Variants in GPR158 observed in about 807,000 individuals in gnomAD.
GPR158 encodes the protein G protein-coupled receptor 158.
Under a neutral mutation model 78.2 loss-of-function variants are expected in GPR158, and 30 were observed. That is an observed-to-expected ratio of 0.38 (90% confidence interval 0.29 to 0.52). The LOEUF is 0.52. Ranked by LOEUF, GPR158 falls within the 20% of genes least tolerant of loss-of-function variation. The probability of loss-of-function intolerance (pLI) is 0.83; values close to 1 mark genes in which losing one functional copy is unlikely to be tolerated. For missense variants in GPR158, 1,463 were observed against 1,523.5 expected, an observed-to-expected ratio of 0.96 and a Z score of 0.66; for synonymous variants, 581 against 591.1, an observed-to-expected ratio of 0.98 and a Z score of 0.25.
At chr10:25,326,044 G>C (rs111445839) in intron 2 of GPR158, among the ~76,000 whole-genome samples, 2,326 of 152,112 alleles carry the variant, frequency 0.015, 67 homozygotes, top group African/African-American at 0.053. Context: ...CTGCACAGGT[G>C]ATCCCATCAC....
chr10:25,565,560 CTATTTT>C (rs1173643549), intron 6 of GPR158, among the ~76,000 whole-genome samples: 1 of 151,390 alleles, frequency 6.6e-6, no homozygotes, highest in Non-Finnish European at 1.5e-5. Flanking sequence ...CTAGATAGTT[CTATTTT>C]AGTAAAATAC....
intron 6 of GPR158, among the ~76,000 whole-genome samples, chr10:25,567,354 T>G (rs1836944034): frequency 6.6e-6 from 1 of 152,278 alleles, no homozygotes; most frequent in Middle Eastern, 3.4e-3. Flanking sequence ...GTTCTCAAAC[T>G]TTACCCTTCA....
intron 4 of GPR158, among the ~76,000 whole-genome samples, chr10:25,414,984 C>T (rs1834640488): frequency 6.6e-6 from 1 of 151,972 alleles, no homozygotes; most frequent in African/African-American, 2.4e-5. Flanking sequence ...CTAGCTTTCT[C>T]CTCTGTAAAA....
chr10:25,326,122 A>G (rs1392187335), intron 2 of GPR158, among the ~76,000 whole-genome samples: 1 of 152,108 alleles, frequency 6.6e-6, no homozygotes, highest in African/African-American at 2.4e-5. Context: ...AACAGGCTTC[A>G]GTGTGAGTTG....
At chr10:25,200,775 G>T (rs2130654358) in intron 1 of GPR158, among the ~76,000 whole-genome samples, 1 of 151,484 alleles carries the variant, frequency 6.6e-6, no homozygotes, top group Middle Eastern at 3.4e-3. Context: ...CCCATTGCTT[G>T]CTTTTGTCAA....
chr10:25,249,007 G>T (rs1021391424), intron 2 of GPR158, among the ~76,000 whole-genome samples: 3 of 150,590 alleles, frequency 2.0e-5, no homozygotes, highest in African/African-American at 5.0e-5. Context: ...GTGGTTTGTA[G>T]TTCTCCTTGA....
Position 25,495,295 on chromosome 10 carries a change from C to CTTTTTTTTTTTTT in GPR158, c.1404+28584_1404+28596dup, listed in dbSNP as rs71399976. ...TATTTTAAGCTATCATTCTTTTCTG[C>CTTTTTTTTTTTTT]TTTTTTTTTTTTTTTTTTTTGAGAC... On this transcript the variant is annotated intron_variant, in intron 5 of 10. Transcript: ENST00000376351. Among the ~76,000 whole-genome samples the CTTTTTTTTTTTTT allele has an allele frequency of 2.2e-4, 20 of 91,096 alleles. 2 individuals are homozygous for CTTTTTTTTTTTTT. Among genetic ancestry groups the CTTTTTTTTTTTTT allele is most frequent in the East Asian group, 1.2e-3 (3 of 2,484 alleles). The allele number at this position is 91,096 out of a possible 152,430, so 59.8% of individuals were successfully genotyped here. A position where few individuals can be genotyped will look rare whatever the true frequency, so the allele number is the denominator to read the frequency against.
chr10:25,401,772 C>G (rs966352889), intron 3 of GPR158, among the ~76,000 whole-genome samples: 1 of 152,070 alleles, frequency 6.6e-6, no homozygotes, highest in East Asian at 1.9e-4. Context: ...CACTTACCAA[C>G]ATAATAGTGA....
At chr10:25,488,764 G>T (rs1835765696) in intron 5 of GPR158, among the ~76,000 whole-genome samples, 1 of 152,178 alleles carries the variant, frequency 6.6e-6, no homozygotes, top group South Asian at 2.1e-4. Context: ...GAGGCTATTA[G>T]ATGACTACTA....
intron 2 of GPR158, among the ~76,000 whole-genome samples, chr10:25,348,396 GACACACACACAC>G (rs34088676): frequency 3.1e-4 from 44 of 141,780 alleles, no homozygotes; most frequent in South Asian, 1.4e-3. Context: ...TAGGAAGAAA[GACACACACACAC>G]ACACACACAC....
At chr10:25,304,547 A>C (rs1261841550) in intron 2 of GPR158, among the ~76,000 whole-genome samples, 2 of 152,042 alleles carry the variant, frequency 1.3e-5, no homozygotes, top group Non-Finnish European at 2.9e-5. Context: ...TACTTCATAG[A>C]GTTGCTGTGA....
intron 2 of GPR158, among the ~76,000 whole-genome samples, chr10:25,269,927 A>G (rs1854094861): frequency 6.6e-6 from 1 of 152,208 alleles, no homozygotes; most frequent in Non-Finnish European, 1.5e-5. Flanking sequence ...CTTATTAAAT[A>G]TCCTAAATCT....
intron 5 of GPR158, among the ~76,000 whole-genome samples, chr10:25,495,464 T>C (rs1835868783): frequency 6.6e-6 from 1 of 151,832 alleles, no homozygotes; most frequent in Non-Finnish European, 1.5e-5. Context: ...GGCCAATTTT[T>C]TGTATTTTTA....
chr10:25,230,280 G>A (rs1853430601), intron 2 of GPR158, among the ~76,000 whole-genome samples: 1 of 152,146 alleles, frequency 6.6e-6, no homozygotes, highest in South Asian at 2.1e-4. Flanking sequence ...TGATATTTGG[G>A]AGGATAATTG....
At chr10:25,310,139 G>A (rs900260038) in intron 2 of GPR158, among the ~76,000 whole-genome samples, 1 of 152,172 alleles carries the variant, frequency 6.6e-6, no homozygotes, top group South Asian at 2.1e-4. Context: ...TTTCCCAACA[G>A]CATTTGTTGA....
intron 1 of GPR158, among the ~76,000 whole-genome samples, chr10:25,183,378 C>T (rs1200452681): frequency 6.6e-6 from 1 of 152,024 alleles, no homozygotes; most frequent in Non-Finnish European, 1.5e-5. Flanking sequence ...TTATTGAGTG[C>T]CTCAAAGCAA....
intron 1 of GPR158, among the ~76,000 whole-genome samples, chr10:25,209,721 G>C (rs372643560): frequency 1.3e-5 from 2 of 152,230 alleles, no homozygotes; most frequent in South Asian, 4.1e-4. Context: ...TTACTCAGTG[G>C]CTTGTGACTT....
intron 4 of GPR158, among the ~76,000 whole-genome samples, chr10:25,427,097 T>C (rs948722401): frequency 2.0e-5 from 3 of 152,098 alleles, no homozygotes; most frequent in Non-Finnish European, 4.4e-5. Context: ...CCTATATTAA[T>C]CTATAGTCAA....
intron 3 of GPR158, among the ~76,000 whole-genome samples, chr10:25,409,712 C>T (rs762789976): frequency 6.6e-6 from 1 of 152,186 alleles, no homozygotes; most frequent in Middle Eastern, 3.2e-3. Context: ...CAAATACTTT[C>T]TTTACCAGTT....
Sources: gnomAD v4.1 joint callset for allele counts (sites outside exome capture counted in the v4.1 genomes callset) on GRCh38, gnomAD v4.1.1 for gene constraint, MANE v1.5 for transcripts, NCBI Gene and HGNC (gene_info 2026-07-23, HGNC 2026-07-21) for gene names.